The following RHPN1 variants were observed in gnomAD, a reference collection of about 807,000 sequenced individuals.
RHPN1 encodes the protein rhophilin Rho GTPase binding protein 1.
A neutral mutation model predicts 74.7 loss-of-function variants in RHPN1; 77 were observed. The ratio of observed to expected loss-of-function variants is 1.03; its 90% confidence interval spans 0.86 to 1.25. The LOEUF (loss-of-function observed/expected upper bound fraction) is 1.25. Among genes scored for constraint, RHPN1 ranks in the 50% most tolerant of loss-of-function variants. RHPN1 has a pLI of 0.00. For synonymous variants in RHPN1, 444 were observed against 414.5 expected, an observed-to-expected ratio of 1.07 and a Z score of -0.87; for missense variants, 987 against 932.2, an observed-to-expected ratio of 1.06 and a Z score of -0.77.
In RHPN1 at chr8:143,379,835, G is replaced by A. The variant is rs774437849; in HGVS notation, c.952G>A (p.Ala318Thr). 3 of 1,608,518 alleles carry A rather than the reference G, an allele frequency of 1.9e-6. No individual in the cohort carries two copies. The highest frequency in any genetic ancestry group is 2.2e-5 in the East Asian group (1 of 44,802). ...CTGCCACATCCACCGGCAGGTGGCA[G>A]CCGAGTACAGGCTAGTGCACCGGAC... ...RLAQEAAQVA[A>T]EYRLVHRTMA... The change falls in exon 9 of 15, where the codon GCC (alanine) becomes ACC (threonine). Residue 318 changes from alanine (A) to threonine (T), a missense_variant. Ala to Thr is a moderately conservative substitution (Grantham distance 58). Transcript: ENST00000289013.
chr8:143,376,709 G>A (rs1818248524), intron 3 of RHPN1, 56 bp downstream of exon 3: 3 of 1,509,008 alleles, frequency 2.0e-6, no homozygotes, highest in Admixed American at 2.0e-5. Flanking sequence ...GTGTGCGTGT[G>A]TGTGTGCATG....
intron 12 of RHPN1, 41 bp from the exon 13 acceptor site, chr8:143,381,531 G>A (rs758109282): frequency 1.9e-5 from 30 of 1,582,890 alleles, no homozygotes; most frequent in Non-Finnish European, 2.5e-5. Context: ...TCTCCTCAGT[G>A]TGTGGCCCAG....
rs1326651880 is a variant in RHPN1, at chr8:143,368,910, C to A, written c.-78C>A. On this transcript the variant is annotated 5_prime_UTR_variant, in exon 1 of 15. Transcript: ENST00000289013. ...CCCGCGGCCCAGGTGGTGCGGGCGG[C>A]CCTAGCCCGGCTGCGGAGCGCTGCG... 2.5e-6 allele frequency: 3 copies of A among 1,206,566 alleles called. No individual in the cohort carries two copies. The highest frequency in any genetic ancestry group is 7.6e-5 in the Admixed American group (2 of 26,392). 74.7% of individuals were successfully genotyped at this position (1,206,566 alleles called of 1,614,324 possible).
Position 143,378,945 on chromosome 8 carries a change from G to C in RHPN1, c.618G>C (p.Gln206His). ...YDSLTGVPAQQRALAFEKGSV... is the reference protein window; with the variant it reads ...YDSLTGVPAQHRALAFEKGSV... Reference sequence around the variant, plus strand: ...CGCTTACTGGGGTCCCGGCCCAGCAGCGTGCCCTGGCCTTCGAGAAGGGCA... The same window carrying C: ...CGCTTACTGGGGTCCCGGCCCAGCACCGTGCCCTGGCCTTCGAGAAGGGCA... Residue 206 changes from glutamine to histidine, a missense_variant, in exon 7 of 15, where the codon CAG becomes CAC. Physicochemically the swap from Gln to His is conservative, Grantham distance 24. Transcript: ENST00000289013. 6.3e-7 allele frequency: 1 copy of C among 1,578,850 alleles called. No homozygotes were observed. The highest frequency in any genetic ancestry group is 1.8e-5 in the Admixed American group (1 of 55,554).
Position 143,379,938 on chromosome 8 carries a change from G to A in RHPN1, c.1055G>A (p.Arg352His), listed in dbSNP as rs761307864. 53 of 1,586,108 alleles carry A rather than the reference G, an allele frequency of 3.3e-5. No homozygotes were observed. Among genetic ancestry groups the A allele is most frequent in the Admixed American group, 2.2e-4 (12 of 55,664 alleles). The change falls in exon 9 of 15, where the codon CGC becomes CAC. Residue 352 changes from arginine to histidine, a missense_variant. Physicochemically the swap from Arg to His is conservative, Grantham distance 29. Transcript: ENST00000289013. ...ALVHVKAEYFRSLAHYHVAMA... is the reference protein window; with the variant it reads ...ALVHVKAEYFHSLAHYHVAMA... The stretch of plus-strand genomic sequence containing the variant: ...GTGCATGTCAAGGCCGAGTACTTCC[G>A]CTCCCTGGCCCACTACCACGTAGCC...
chr8:143,376,545 T>A lies in RHPN1; in HGVS notation c.197T>A (p.Val66Glu), dbSNP rs1818230504. 6.2e-7 allele frequency: 1 copy of A among 1,612,164 alleles called. No homozygotes were observed. The highest frequency in any genetic ancestry group is 2.2e-5 in the East Asian group (1 of 44,880). Residue 66 changes from valine (V) to glutamate (E), a missense_variant, in exon 3 of 15, where the codon GTG becomes GAG. By Grantham distance (121) the Val-to-Glu change is moderately radical. Coordinates refer to ENST00000289013, the MANE Select transcript of RHPN1 (RefSeq NM_052924.3). ...CTCAGAGCCACCAGCAACAACCGGG[T>A]GAGAGAGACGGTCGCCCTGGAGCTG... is the stretch of plus-strand genomic sequence containing the variant. ...NLYRATSNNR[V>E]RETVALELSY...
chr8:143,374,868 C>T (rs1301537037), intron 1 of RHPN1, among the ~76,000 whole-genome samples: 1 of 152,228 alleles, frequency 6.6e-6, no homozygotes, highest in Non-Finnish European at 1.5e-5. Flanking sequence ...GGGCACGCCC[C>T]ACTCTTTCGC....
chr8:143,365,050 C>A (rs1225596373), upstream of RHPN1, among the ~76,000 whole-genome samples: 1 of 152,144 alleles, frequency 6.6e-6, no homozygotes, highest in Non-Finnish European at 1.5e-5. Context: ...TGCAAACCCA[C>A]ACTCCAAGAT....
rs183169711 is a variant in RHPN1, at chr8:143,381,689, G to T, written c.1606G>T (p.Ala536Ser). ...TLRGDSPVLI[A>S]AVIPGSQAAA... is the part of the protein sequence containing the mutation. ...TCGGGGAGACTCGCCTGTCCTCATC[G>T]CTGCCGTCATTCCAGGGAGCCAGGC... Residue 536 changes from alanine to serine, a missense_variant, in exon 13 of 15, where the codon GCT (alanine) becomes TCT (serine). Transcript: ENST00000289013. The T allele has an allele frequency of 5.0e-6, 8 of 1,611,036 alleles. No individual in the cohort carries two copies. Among genetic ancestry groups the T allele is most frequent in the Non-Finnish European group, 6.8e-6 (8 of 1,179,328 alleles).
At chr8:143,364,616 T>A (rs1434034338), upstream of RHPN1, among the ~76,000 whole-genome samples, 1 of 151,998 alleles carries the variant, frequency 6.6e-6, no homozygotes, top group African/African-American at 2.4e-5. This position sits in a 1 kb window ranked among gnomAD's most constrained non-coding sequence, Gnocchi z 4.5. Flanking sequence ...ACAACTCTTA[T>A]TTTCAAATAA....
Position 143,378,772 on chromosome 8 carries a change from A to T in RHPN1, c.536A>T (p.Asp179Val), listed in dbSNP as rs1243399154. Residue 179 changes from aspartate (D) to valine (V), a missense_variant, in exon 6 of 15, where the codon GAT becomes GTT. By Grantham distance (152) the Asp-to-Val change is radical. Transcript: ENST00000289013. Reference sequence around the variant, plus strand: ...TATTACAACCAGCTGTGCTTCCTGGATGCGCGCTTCCTCACCCCTGCCAGG... The same window carrying T: ...TATTACAACCAGCTGTGCTTCCTGGTTGCGCGCTTCCTCACCCCTGCCAGG... Reference protein sequence around the residue: ...TAYYNQLCFLDARFLTPARSL... With the variant: ...TAYYNQLCFLVARFLTPARSL... The T allele has an allele frequency of 1.9e-6, 3 of 1,574,070 alleles. No individual in the cohort carries two copies. The African/African-American group carries it at 4.1e-5, about 21-fold the overall frequency.
chr8:143,375,775 G>A, intron 2 of RHPN1, 107 bp downstream of exon 2: 1 of 798,464 alleles, frequency 1.3e-6, no homozygotes, highest in East Asian at 2.9e-5. Flanking sequence ...CACAGAGACA[G>A]GTGCATGAGC....
In RHPN1 at chr8:143,378,753, A is replaced by G; in HGVS notation, c.517A>G (p.Asn173Asp). ...SGLELLTAYY[N>D]QLCFLDARFL... is the part of the protein sequence containing the mutation. ...CCTGGAGCTGCTCACAGCCTATTAC[A>G]ACCAGCTGTGCTTCCTGGATGCGCG... The change falls in exon 6 of 15, where the codon AAC (asparagine) becomes GAC (aspartate). Residue 173 changes from asparagine to aspartate, a missense_variant. Asn to Asp is a conservative substitution (Grantham distance 23). Transcript: ENST00000289013. 1 of 1,586,832 alleles carries G rather than the reference A, an allele frequency of 6.3e-7. No individual in the cohort carries two copies.
chr8:143,369,123 T>C, intron 1 of RHPN1, 76 bp downstream of exon 1: 1 of 1,200,550 alleles, frequency 8.3e-7, no homozygotes, highest in Admixed American at 3.3e-5. Context: ...CGAGGCGCGT[T>C]CCGGGCGCCC....
chr8:143,378,440 C>G, intron 5 of RHPN1, 94 bp downstream of exon 5: 1 of 1,115,574 alleles, frequency 9.0e-7, no homozygotes. Flanking sequence ...AGGAGCTCAG[C>G]GTAGACATCT....
chr8:143,379,965 T>C lies in RHPN1; in HGVS notation c.1082T>C (p.Met361Thr), dbSNP rs1297591902. 4 of 1,571,030 alleles carry C rather than the reference T, an allele frequency of 2.5e-6. No individual in the cohort carries two copies. The highest frequency in any genetic ancestry group is 1.2e-5 in the South Asian group (1 of 85,582). The change falls in exon 9 of 15, where the codon ATG becomes ACG. Residue 361 changes from methionine (M) to threonine (T), a missense_variant. Met to Thr is a moderately conservative substitution (Grantham distance 81). Coordinates refer to ENST00000289013, the MANE Select transcript of RHPN1 (RefSeq NM_052924.3). Reference sequence around the variant, plus strand: ...TCCCTGGCCCACTACCACGTAGCCATGGCCCTCTGCGACGGCTCCCGTGAG... The same window carrying C: ...TCCCTGGCCCACTACCACGTAGCCACGGCCCTCTGCGACGGCTCCCGTGAG... The part of the protein sequence containing the change: ...FRSLAHYHVA[M>T]ALCDGSPATE...
intron 1 of RHPN1, among the ~76,000 whole-genome samples, chr8:143,372,814 A>G (rs1817921125): frequency 1.1e-5 from 1 of 92,752 alleles, no homozygotes; most frequent in Non-Finnish European, 2.1e-5. Flanking sequence ...TGTCCAGCAG[A>G]TGGCGCAGGG....
upstream of RHPN1, chr8:143,367,611 G>C (rs1240059049): frequency 6.6e-6 from 1 of 152,246 alleles, no homozygotes; most frequent in Admixed American, 6.5e-5. Flanking sequence ...GGCAGACCAC[G>C]GAGCTTAGCC....
rs139249918 is a variant in RHPN1, at chr8:143,373,705, C to T, written c.61-1848C>T. 1.8e-4 allele frequency among the ~76,000 whole-genome samples: 5 copies of T among 28,268 alleles called. 1 individual carries two copies. The highest frequency in any genetic ancestry group is 7.8e-4 in the East Asian group (1 of 1,290). The allele number at this position is 28,268 out of a possible 152,430, so 18.5% of individuals were successfully genotyped here. ...ATGGCGCGGGTTCCAGGGGACGGGG[C>T]GGGGATTTGGGGGATGGCGTGGGTT... On this transcript the variant is annotated intron_variant, in intron 1 of 14. Transcript: ENST00000289013.
Sources: gnomAD v4.1 joint callset for allele counts (sites outside exome capture counted in the v4.1 genomes callset) on GRCh38, gnomAD v4.1.1 for gene constraint, Gnocchi (gnomAD v3.1) non-coding constraint, MANE v1.5 for transcripts, NCBI Gene and HGNC (gene_info 2026-07-23, HGNC 2026-07-21) for gene names.